RFX8: variants seen among roughly 807,000 people sequenced by gnomAD.
RFX8 encodes regulatory factor X8.
RFX8 carries 46 observed loss-of-function variants against 54.6 expected under a neutral mutation model. The observed-to-expected ratio is 0.84, with a 90% CI of 0.67 to 1.08. RFX8 has a LOEUF of 1.08. Among genes scored for constraint, RFX8 ranks in the 50% least tolerant of loss-of-function variants. The probability of loss-of-function intolerance (pLI) is 0.00; values close to 1 mark genes in which losing one functional copy is unlikely to be tolerated. For synonymous variants in RFX8, 192 were observed against 209.5 expected (o/e 0.92, Z 0.72); for missense variants, 536 against 562.3 (o/e 0.95, Z 0.47).
chr2:101,447,422 A>G (rs4851443), intron 2 of RFX8, among the ~76,000 whole-genome samples: 114,619 of 151,602 alleles, frequency 0.76, 44,257 homozygotes, highest in Middle Eastern at 0.88. Context: ...AGTTCTGGAG[A>G]ATGAGAAGTC....
Position 101,421,420 on chromosome 2 carries a change from C to G in RFX8, c.237+304G>C, listed in dbSNP as rs1007297448. ...GAAAATTCCAGGGTGAATTTTATTA[C>G]CAACACTTTATTCAAAATGAGCAGA... On this transcript the variant is annotated intron_variant, in intron 4 of 11. Transcript: ENST00000428343. 5.6e-6 allele frequency: 6 copies of G among 1,067,398 alleles called. No homozygotes were observed. In the African/African-American group the frequency reaches 1.0e-4, roughly 18 times the overall value. The allele number at this position is 1,067,398 out of a possible 1,614,324, so 66.1% of individuals were successfully genotyped here.
chr2:101,421,421 C>G (rs764989162), intron 4 of RFX8: 342 of 1,069,566 alleles, frequency 3.2e-4, no homozygotes, highest in Middle Eastern at 8.4e-4. Context: ...ATTTTATTAC[C>G]AACACTTTAT....
chr2:101,408,347 A>T (rs938072269), intron 9 of RFX8, among the ~76,000 whole-genome samples: 3 of 152,140 alleles, frequency 2.0e-5, no homozygotes, highest in East Asian at 1.9e-4. Context: ...TAGCTGGGCG[A>T]GGTGGCGGGC....
chr2:101,465,824 A>AC (rs1201520824), intron 2 of RFX8, among the ~76,000 whole-genome samples: 4 of 152,228 alleles, frequency 2.6e-5, no homozygotes, highest in African/African-American at 9.6e-5. Flanking sequence ...AGCGCTCTTG[A>AC]CCTTTGAGCA....
intron 6 of RFX8, 50 bp from the exon 7 acceptor site, chr2:101,414,962 A>C: frequency 3.6e-6 from 5 of 1,404,866 alleles, no homozygotes; most frequent in Middle Eastern, 1.8e-4. Context: ...TCAAGTTCTC[A>C]TGTGGGCAGT....
chr2:101,412,466 A>G (rs11686870), intron 8 of RFX8, among the ~76,000 whole-genome samples: 39,771 of 152,194 alleles, frequency 0.26, 5,781 homozygotes, highest in South Asian at 0.41. Flanking sequence ...ACCATTGTTA[A>G]ACTTCACATT....
intron 9 of RFX8, among the ~76,000 whole-genome samples, chr2:101,408,641 G>A (rs547755809): frequency 5.9e-5 from 9 of 152,194 alleles, no homozygotes; most frequent in Non-Finnish European, 1.0e-4. Flanking sequence ...CATGGTCACT[G>A]CTGTTAAAAA....
intron 2 of RFX8, among the ~76,000 whole-genome samples, chr2:101,430,535 C>T (rs559033922): frequency 9.9e-5 from 15 of 152,278 alleles, no homozygotes; most frequent in Non-Finnish European, 1.6e-4. Flanking sequence ...GAAGACACAG[C>T]GAGAAGGCGG....
chr2:101,437,126 T>A (rs1275992291), intron 2 of RFX8, among the ~76,000 whole-genome samples: 4 of 152,182 alleles, frequency 2.6e-5, no homozygotes, highest in Non-Finnish European at 5.9e-5. Flanking sequence ...AAGATAATTG[T>A]AGATTTACAT....
At chr2:101,418,098 G>C (rs377467425) in intron 5 of RFX8, among the ~76,000 whole-genome samples, 68 of 151,892 alleles carry the variant, frequency 4.5e-4, no homozygotes, top group African/African-American at 1.6e-3. Flanking sequence ...AACCATCTTG[G>C]CCAGGCTGGT....
At position 101,460,864 on chromosome 2, in the gene RFX8, G is replaced by C. The variant is rs1198397774; in HGVS notation, c.72+5913C>G. 2.6e-5 allele frequency among the ~76,000 whole-genome samples: 4 copies of C among 151,772 alleles called. No individual in the cohort carries two copies. The East Asian group carries it at 5.8e-4, about 22-fold the overall frequency. On this transcript the variant is annotated intron_variant, in intron 2 of 11. Coordinates refer to ENST00000428343, the MANE Select transcript of RFX8 (RefSeq NM_001145664.2). The stretch of plus-strand genomic sequence containing the variant: ...AGGAAGTCCACACAAGCTGGGATGA[G>C]GGGGAGGCAAGACAAAAGAGCAGGG...
intron 2 of RFX8, among the ~76,000 whole-genome samples, chr2:101,445,026 A>C (rs561032205): frequency 1.3e-5 from 2 of 152,330 alleles, no homozygotes; most frequent in East Asian, 3.9e-4. Flanking sequence ...TCTTATCCAC[A>C]TGTAGTATTG....
chr2:101,410,318 A>G (rs1686039767), intron 9 of RFX8, among the ~76,000 whole-genome samples: 2 of 151,094 alleles, frequency 1.3e-5, no homozygotes. Context: ...GCTCACACAC[A>G]CCCTGACACA....
At chr2:101,403,515 A>C (rs957424290) in intron 10 of RFX8, among the ~76,000 whole-genome samples, 44 of 152,248 alleles carry the variant, frequency 2.9e-4, no homozygotes, top group Non-Finnish European at 4.4e-5. Flanking sequence ...GGCTGGGCAC[A>C]GCGGCTCACG....
intron 2 of RFX8, among the ~76,000 whole-genome samples, chr2:101,441,739 G>C (rs1688108478): frequency 6.6e-6 from 1 of 152,156 alleles, no homozygotes; most frequent in Admixed American, 6.5e-5. Context: ...ATTAATGTTT[G>C]CATGTTACAT....
At chr2:101,409,780 A>G (rs1376096965) in intron 9 of RFX8, among the ~76,000 whole-genome samples, 2 of 152,096 alleles carry the variant, frequency 1.3e-5, no homozygotes, top group Admixed American at 6.5e-5. Context: ...AATTATAGGC[A>G]TGAGCCACCG....
rs369458559 is a variant in RFX8, at chr2:101,410,637, G to A, written c.795C>T (p.Leu265=). 2.6e-6 allele frequency: 4 copies of A among 1,533,712 alleles called. No individual in the cohort carries two copies. The African/African-American group carries it at 4.1e-5, about 16-fold the overall frequency. ...RVFLSCLSSH[L]QAFVFQTSRS... ...TTCCTACCTGGAACACAAATGCTTG[G>A]AGATGTGAAGACAGACAGCTGAGGA... Residue 265 remains leucine (L), a synonymous_variant, in exon 9 of 12, where the codon CTC becomes CTT. Coordinates refer to ENST00000428343, the MANE Select transcript of RFX8 (RefSeq NM_001145664.2).
At chr2:101,399,100 G>A (rs1004955189) in intron 11 of RFX8, among the ~76,000 whole-genome samples, 4 of 152,168 alleles carry the variant, frequency 2.6e-5, no homozygotes, top group Non-Finnish European at 5.9e-5. Flanking sequence ...TTTGAACGCC[G>A]CTAGAATGTA....
chr2:101,427,274 G>C (rs1687230567), intron 2 of RFX8, among the ~76,000 whole-genome samples: 1 of 152,138 alleles, frequency 6.6e-6, no homozygotes, highest in African/African-American at 2.4e-5. Context: ...TAAGATTAAA[G>C]ACCTTGAGAT....
Sources: allele counts gnomAD v4.1 joint callset (sites outside exome capture counted in the v4.1 genomes callset), GRCh38; gene constraint gnomAD v4.1.1; transcripts MANE v1.5; gene names NCBI Gene and HGNC (gene_info 2026-07-23, HGNC 2026-07-21).